CREM: variants seen among roughly 807,000 people sequenced by gnomAD.
CREM encodes the protein cAMP responsive element modulator.
CREM carries 13 observed loss-of-function variants against 37.3 expected under a neutral mutation model. The ratio of observed to expected loss-of-function variants is 0.35; its 90% CI spans 0.23 to 0.55. The LOEUF (loss-of-function observed/expected upper bound fraction) is 0.55. Ranked by LOEUF, CREM falls within the 20% of genes least tolerant of loss-of-function variation. The pLI is 0.88. For synonymous variants in CREM, 124 were observed against 120.2 expected (o/e 1.03, Z -0.21); for missense variants, 296 against 362.3 (o/e 0.82, Z 1.49).
chr10:35,204,406 C>A (rs2095468056), intron 6 of CREM, among the ~76,000 whole-genome samples: 1 of 152,092 alleles, frequency 6.6e-6, no homozygotes, highest in South Asian at 2.1e-4. Context: ...TCAAGACCAT[C>A]CTGGGCAACA....
rs367772693 is a variant in CREM, at chr10:35,176,359, C to T, written c.169-2530C>T. Among the ~76,000 whole-genome samples the T allele has an allele frequency of 5.3e-5, 8 of 151,642 alleles. No homozygotes were observed. In the South Asian group the frequency reaches 1.0e-3, roughly 20 times the overall value. ...TGCATCAGAGAAGATGTGTGATAAA[C>T]ACAGTAATATAAAGATTATAGTGCT... is the stretch of plus-strand genomic sequence containing the variant. On this transcript the variant is annotated intron_variant, in intron 3 of 7. Transcript: ENST00000685392.
intron 2 of CREM, among the ~76,000 whole-genome samples, chr10:35,140,690 T>C (rs1403523943): frequency 6.6e-6 from 1 of 152,212 alleles, no homozygotes; most frequent in Admixed American, 6.5e-5. Flanking sequence ...CAAAAGAGAA[T>C]AACTAATTCT....
intron 3 of CREM, chr10:35,176,000 G>A (rs772655476): frequency 1.0e-5 from 16 of 1,547,134 alleles, no homozygotes; most frequent in Middle Eastern, 3.3e-4. Flanking sequence ...CACCGTTCAG[G>A]TTAGCTTCCT....
At chr10:35,189,538 C>T (rs926876025) in intron 6 of CREM, among the ~76,000 whole-genome samples, 2 of 151,868 alleles carry the variant, frequency 1.3e-5, no homozygotes, top group African/African-American at 4.8e-5. Flanking sequence ...ATTTTTGAGA[C>T]AGAGTCTCGC....
At chr10:35,187,936 G>A (rs1353104915) in intron 5 of CREM, among the ~76,000 whole-genome samples, 2 of 152,192 alleles carry the variant, frequency 1.3e-5, no homozygotes, top group Non-Finnish European at 2.9e-5. Context: ...GTAGTCAGCT[G>A]GATGCTAAGG....
chr10:35,158,805 T>G (rs1384443353), intron 3 of CREM, among the ~76,000 whole-genome samples: 1 of 118,898 alleles, frequency 8.4e-6, no homozygotes, highest in African/African-American at 2.9e-5. Flanking sequence ...AGTGTTTTTT[T>G]TTTGTTGTTT....
chr10:35,181,990 G>A (rs185081478), intron 5 of CREM, among the ~76,000 whole-genome samples: 20 of 152,306 alleles, frequency 1.3e-4, no homozygotes. Flanking sequence ...AAATTATTCT[G>A]ATGAGAAGTT....
intron 1 of CREM, among the ~76,000 whole-genome samples, chr10:35,132,179 T>G (rs1589174259): frequency 1.5e-5 from 2 of 131,152 alleles, no homozygotes; most frequent in Admixed American, 1.9e-4. Flanking sequence ...CCATCCTGGG[T>G]GATAGAGCGA....
intron 7 of CREM, chr10:35,209,300 A>C (rs1416580351): frequency 1.3e-5 from 13 of 985,160 alleles, no homozygotes; most frequent in African/African-American, 7.0e-5. Context: ...AACAGTTTTT[A>C]TTTCTTTCCA....
At chr10:35,130,622 C>CA (rs1347529241) in intron 1 of CREM, among the ~76,000 whole-genome samples, 2 of 152,194 alleles carry the variant, frequency 1.3e-5, no homozygotes, top group Non-Finnish European at 2.9e-5. Flanking sequence ...TGTCAGAGGG[C>CA]AGAGTATTAC....
chr10:35,127,262 A>G, intron 1 of CREM, 69 bp downstream of exon 1: 1 of 153,338 alleles, frequency 6.5e-6, no homozygotes, highest in Non-Finnish European at 1.5e-5. Flanking sequence ...GTGGAGGTGG[A>G]GGCAGGAGGC....
chr10:35,196,064 T>TG (rs1184740610), intron 6 of CREM: 1 of 1,614,058 alleles, frequency 6.2e-7, no homozygotes, highest in East Asian at 2.2e-5. Flanking sequence ...CTGTAATGCA[T>TG]GAACAGAACT....
At chr10:35,197,748 C>T (rs1044672822) in intron 6 of CREM, among the ~76,000 whole-genome samples, 4 of 152,132 alleles carry the variant, frequency 2.6e-5, no homozygotes, top group Non-Finnish European at 4.4e-5. Context: ...TGAGCCACCG[C>T]GCTCGGCCTC....
chr10:35,144,926 G>A (rs536389659), intron 2 of CREM, among the ~76,000 whole-genome samples: 1 of 151,988 alleles, frequency 6.6e-6, no homozygotes, highest in East Asian at 1.9e-4. Flanking sequence ...TTGGGAGACT[G>A]AAGCGGGCTG....
intron 3 of CREM, among the ~76,000 whole-genome samples, chr10:35,154,796 TAA>T (rs1294605218): frequency 1.7e-4 from 26 of 152,202 alleles, no homozygotes; most frequent in Non-Finnish European, 3.4e-4. Context: ...CTTTGAACCG[TAA>T]CTCATTATTG....
chr10:35,137,877 A>G lies in CREM; in HGVS notation c.42A>G (p.Pro14=). The G allele has an allele frequency of 1.9e-6, 3 of 1,587,952 alleles. No individual in the cohort carries two copies. Among genetic ancestry groups the G allele is most frequent in the Non-Finnish European group, 2.6e-6 (3 of 1,166,858 alleles). The change falls in exon 2 of 8, where the codon CCA becomes CCG. Residue 14 remains proline, a splice_region_variant and synonymous_variant. Transcript: ENST00000685392. Reference sequence around the variant, plus strand: ...GGAAAAAATATATTAAGACAAATCCAAGGTAGGTAGATGTACGTTTTTCTG... The same window carrying G: ...GGAAAAAATATATTAAGACAAATCCGAGGTAGGTAGATGTACGTTTTTCTG... The part of the protein sequence containing the change: ...CARKKYIKTN[P]RQMTMETVES...
chr10:35,154,943 G>C (rs952954242), intron 3 of CREM, among the ~76,000 whole-genome samples: 1 of 151,784 alleles, frequency 6.6e-6, no homozygotes, highest in Non-Finnish European at 1.5e-5. Context: ...GTATATAATA[G>C]CTAGTATATT....
At chr10:35,148,969 TA>T (rs938006008) in intron 3 of CREM, among the ~76,000 whole-genome samples, 8 of 152,226 alleles carry the variant, frequency 5.3e-5, no homozygotes, top group Non-Finnish European at 1.2e-4. Flanking sequence ...AGATATCTAT[TA>T]AAAATATAGT....
intron 6 of CREM, among the ~76,000 whole-genome samples, chr10:35,189,248 C>G (rs1306409092): frequency 1.3e-5 from 2 of 151,210 alleles, no homozygotes; most frequent in African/African-American, 4.9e-5. Context: ...TCCATTCTAG[C>G]TCTTATGGAA....
Sources: allele counts gnomAD v4.1 joint callset (sites outside exome capture counted in the v4.1 genomes callset), GRCh38; gene constraint gnomAD v4.1.1; transcripts MANE v1.5; gene names NCBI Gene and HGNC (gene_info 2026-07-23, HGNC 2026-07-21).